Variants in USP34 observed in about 807,000 individuals in gnomAD.
The protein encoded by USP34 is ubiquitin specific peptidase 34, also known as ubiquitin carboxyl-terminal hydrolase 34.
Under a neutral mutation model 460.3 loss-of-function variants are expected in USP34, and 70 were observed. The ratio of observed to expected loss-of-function variants is 0.15; its 90% confidence interval spans 0.13 to 0.19. The LOEUF is 0.19. USP34 is among the 10% of genes least tolerant of loss of function. USP34 has a pLI of 1.00. For synonymous variants in USP34, 1,647 were observed against 1,405.3 expected (o/e 1.17, Z -3.85); for missense variants, 3,985 against 4,236.2 (o/e 0.94, Z 1.65).
Position 61,296,876 on chromosome 2 carries a change from C to A in USP34, c.4178G>T (p.Arg1393Leu). The change falls in exon 30 of 80, where the codon CGG becomes CTG. Residue 1393 changes from arginine (R) to leucine (L), a missense_variant. Coordinates refer to ENST00000398571, the MANE Select transcript of USP34 (RefSeq NM_014709.4). Reference protein sequence around the residue: ...LHLHAENLSRRVWELLMLLPT... With the variant: ...LHLHAENLSRLVWELLMLLPT... ...AAGAAGCATCAGTAGCTCCCAGACC[C>A]GCCTAGACAGATTTTCTGCATGAAG... The A allele has an allele frequency of 6.2e-7, 1 of 1,613,866 alleles. No homozygotes were observed. Among genetic ancestry groups the A allele is most frequent in the Non-Finnish European group, 8.5e-7 (1 of 1,179,906 alleles).
chr2:61,229,469 A>ACAAAC, intron 59 of USP34, 79 bp downstream of exon 59: 1 of 654,920 alleles, frequency 1.5e-6, no homozygotes, highest in Non-Finnish European at 2.2e-6. Context: ...AAAAAAAAAA[A>ACAAAC]AAAAAACAAA....
chr2:61,396,136 A>G (rs940210725), intron 3 of USP34, among the ~76,000 whole-genome samples: 7 of 152,276 alleles, frequency 4.6e-5, no homozygotes, highest in Non-Finnish European at 8.8e-5. Flanking sequence ...TTTGTTTTGA[A>G]AAGTTTCTCA....
Position 61,265,998 on chromosome 2 carries a change from G to A in USP34, c.5603C>T (p.Ala1868Val), listed in dbSNP as rs1386893051. 4 of 1,607,506 alleles carry A rather than the reference G, an allele frequency of 2.5e-6. No homozygotes were observed. The highest frequency in any genetic ancestry group is 3.3e-5 in the Admixed American group (2 of 59,810). Residue 1868 changes from alanine (A) to valine (V), a missense_variant, in exon 42 of 80, where the codon GCA (alanine) becomes GTA (valine). Ala to Val is a moderately conservative substitution (Grantham distance 64). This residue lies in a region of USP34 where 1,114 missense variants were observed against 1,122.5 expected (regional missense o/e 0.99). Coordinates refer to ENST00000398571, the MANE Select transcript of USP34 (RefSeq NM_014709.4). ...NYRLIHNWVM[A>V]QHMQSHAPYK... ...AGAATGCTTACACTGCATGTGTTGT[G>A]CCATAACCCAGTTGTGTATTAGCCT...
In USP34 at chr2:61,311,875, C is replaced by T; in HGVS notation, c.3578G>A (p.Gly1193Asp). ...AYHLRQWQIE[G>D]TGISSHLKAL... ...TTTCAAATGACTACTAATACCAGTG[C>T]CTTCAATTTGCCACTGTCTCAGATG... The change falls in exon 26 of 80, where the codon GGC (glycine) becomes GAC (aspartate). Residue 1193 changes from glycine to aspartate, a missense_variant. Gly to Asp is a moderately conservative substitution (Grantham distance 94). This residue lies in a region of USP34 where 1,114 missense variants were observed against 1,122.5 expected (regional missense o/e 0.99). Coordinates refer to ENST00000398571, the MANE Select transcript of USP34 (RefSeq NM_014709.4). The T allele has an allele frequency of 1.2e-6, 2 of 1,613,822 alleles. No homozygotes were observed. The highest frequency in any genetic ancestry group is 1.7e-6 in the Non-Finnish European group (2 of 1,179,896).
chr2:61,256,804 C>A, intron 47 of USP34, 69 bp downstream of exon 47: 2 of 1,192,986 alleles, frequency 1.7e-6, no homozygotes, highest in South Asian at 3.6e-5. Context: ...TCAAGATGAC[C>A]AACACAAACC....
chr2:61,267,671 T>C (rs1330105855), intron 41 of USP34, among the ~76,000 whole-genome samples: 1 of 152,132 alleles, frequency 6.6e-6, no homozygotes, highest in Non-Finnish European at 1.5e-5. Context: ...TGGAGTGCAG[T>C]GGCGCCATCT....
In USP34 at chr2:61,417,057, G is replaced by C. The variant is rs1694218379; in HGVS notation, c.131+3689C>G. 3.7e-6 allele frequency: 5 copies of C among 1,343,592 alleles called. No individual in the cohort carries two copies. The Admixed American group carries it at 6.7e-5, about 18-fold the overall frequency. 83.2% of individuals were successfully genotyped at this position (1,343,592 alleles called of 1,614,324 possible). ...GGATCTTCTGGCAGCCGGGGAACTTGAACTTGGCCCTGAGCAGGACCTCAA... is the reference window on the plus strand; with the variant it reads ...GGATCTTCTGGCAGCCGGGGAACTTCAACTTGGCCCTGAGCAGGACCTCAA... On this transcript the variant is annotated intron_variant, in intron 2 of 79. Transcript: ENST00000398571.
intron 41 of USP34, among the ~76,000 whole-genome samples, chr2:61,266,829 C>G (rs1401174922): frequency 6.6e-6 from 1 of 152,196 alleles, no homozygotes; most frequent in Non-Finnish European, 1.5e-5. Context: ...TGACCTTTGC[C>G]TACAGTCTGC....
intron 7 of USP34, 85 bp downstream of exon 7, chr2:61,380,084 G>T (rs1692926692): frequency 1.7e-6 from 2 of 1,185,982 alleles, no homozygotes; most frequent in East Asian, 2.5e-5. Context: ...TGCCTAGTAT[G>T]AAGTGCTCCA....
intron 75 of USP34, among the ~76,000 whole-genome samples, chr2:61,196,068 G>GCTTTTT: frequency 2.1e-5 from 1 of 47,034 alleles, no homozygotes; most frequent in Non-Finnish European, 4.3e-5. Context: ...CACCATGCAC[G>GCTTTTT]ATTTTTTTTT....
At chr2:61,348,969 G>T (rs1311113753) in intron 13 of USP34, 83 bp from the exon 14 acceptor site, 2 of 1,433,406 alleles carry the variant, frequency 1.4e-6, no homozygotes, top group Non-Finnish European at 1.9e-6. Context: ...TTGATTCCTT[G>T]ACCTAGTTAC....
chr2:61,444,551 C>T (rs990325300), intron 1 of USP34, among the ~76,000 whole-genome samples: 51 of 152,254 alleles, frequency 3.3e-4, no homozygotes, highest in African/African-American at 1.2e-3. Context: ...TTAAAAAACT[C>T]ACATTCAAGA....
rs763379913 is a variant in USP34, at chr2:61,325,446, C to G, written c.2942G>C (p.Ser981Thr). 1.5e-5 allele frequency: 23 copies of G among 1,544,468 alleles called. No individual in the cohort carries two copies. The African/African-American group carries it at 2.7e-4, about 18-fold the overall frequency. Residue 981 changes from serine to threonine, a missense_variant, in exon 21 of 80, where the codon AGT becomes ACT. Ser to Thr is a moderately conservative substitution (Grantham distance 58, BLOSUM62 1). Transcript: ENST00000398571. The part of the protein sequence containing the change: ...GRQKHALYSH[S>T]AEVQVRLQFL... ...TTGAAGACGAACTTGAACTTCAGCA[C>G]TATGGCTGTACCTATAATTTAAAAG...
chr2:61,449,849 C>T (rs185290038), intron 1 of USP34, among the ~76,000 whole-genome samples: 60 of 152,234 alleles, frequency 3.9e-4, no homozygotes, highest in Admixed American at 6.5e-4. Context: ...GGGTGGATCA[C>T]GAAGTCAGGA....
rs114777504 is a variant in USP34 at position 61,232,618 on chromosome 2, G to A, written c.7033-86C>T. 4,283 of 1,099,460 alleles carry A rather than the reference G, an allele frequency of 3.9e-3. 10 individuals are homozygous for A. The highest frequency in any genetic ancestry group is 4.9e-3 in the Non-Finnish European group (3,669 of 749,480). The allele number at this position is 1,099,460 out of a possible 1,614,324, so 68.1% of individuals were successfully genotyped here. On this transcript the variant is annotated intron_variant, in intron 57 of 79. Transcript: ENST00000398571. ...CAGTCACATAAGAATTTTATTTCTA[G>A]TCAATGTTTTAATTCTTTTAAGTTC...
intron 5 of USP34, among the ~76,000 whole-genome samples, chr2:61,388,058 G>T (rs1157314914): frequency 6.6e-6 from 1 of 151,918 alleles, no homozygotes; most frequent in African/African-American, 2.4e-5. Context: ...TTGAGCTCAG[G>T]AGTTTGAGAT....
chr2:61,375,491 G>A (rs927151175), intron 8 of USP34, among the ~76,000 whole-genome samples: 15 of 151,984 alleles, frequency 9.9e-5, no homozygotes, highest in South Asian at 6.2e-4. Context: ...AGAAACAGGC[G>A]GGGCGCGGTG....
chr2:61,340,412 G>C (rs1214588175), intron 16 of USP34, among the ~76,000 whole-genome samples: 1 of 152,056 alleles, frequency 6.6e-6, no homozygotes, highest in South Asian at 2.1e-4. Flanking sequence ...CTTTCTCTTG[G>C]GTAAATACTA....
chr2:61,226,130 G>T (rs1406452797), intron 62 of USP34, among the ~76,000 whole-genome samples: 1 of 151,976 alleles, frequency 6.6e-6, no homozygotes. Context: ...CCTGGCTGAG[G>T]GCCATTTTAA....
Sources: gnomAD v4.1 joint callset for allele counts (sites outside exome capture counted in the v4.1 genomes callset) on GRCh38, gnomAD v4.1.1 for gene constraint, gnomAD v4.1.1 regional missense constraint, MANE v1.5 for transcripts, NCBI Gene and HGNC (gene_info 2026-07-23, HGNC 2026-07-21) for gene names.